TIAM1: variants seen among roughly 807,000 people sequenced by gnomAD.
The protein encoded by TIAM1 is rho guanine nucleotide exchange factor TIAM1.
Under a neutral mutation model 163.5 loss-of-function variants are expected in TIAM1, and 65 were observed. The observed-to-expected ratio is 0.40, with a 90% CI of 0.33 to 0.49. TIAM1 has a LOEUF of 0.49. Ranked by LOEUF, TIAM1 falls within the 20% of genes least tolerant of loss-of-function variation. The probability of loss-of-function intolerance (pLI) is 0.77; values close to 1 mark genes in which losing one functional copy is unlikely to be tolerated. For missense variants in TIAM1, 1,789 were observed against 2,044.7 expected, an observed-to-expected ratio of 0.87 and a Z score of 2.41; for synonymous variants, 833 against 810.1, an observed-to-expected ratio of 1.03 and a Z score of -0.48.
rs369467662 is a variant in TIAM1, at chr21:31,152,630, A to G, written c.3366+6T>C. The G allele has an allele frequency of 2.5e-6, 4 of 1,613,966 alleles. No individual in the cohort carries two copies. In the African/African-American group the frequency reaches 5.3e-5, roughly 22 times the overall value. On this transcript the variant is annotated splice_donor_region_variant and intron_variant, in intron 19 of 27. Transcript: ENST00000541036. ...CTGACGCTGGAGGCAGCTTTGCACT[A>G]TTTACCTTAAATTGATCAACCTTCT... is the stretch of plus-strand genomic sequence containing the variant.
intron 23 of TIAM1, among the ~76,000 whole-genome samples, chr21:31,135,276 C>T (rs916087469): frequency 2.0e-5 from 3 of 152,110 alleles, no homozygotes; most frequent in Non-Finnish European, 2.9e-5. Context: ...CATGTTTTTT[C>T]TCTCTCTCAA....
At position 31,120,498 on chromosome 21, in the gene TIAM1, C is replaced by A; in HGVS notation, c.4646G>T (p.Arg1549Leu). The A allele has an allele frequency of 6.2e-7, 1 of 1,614,208 alleles. No homozygotes were observed. Among genetic ancestry groups the A allele is most frequent in the Non-Finnish European group, 8.5e-7 (1 of 1,180,046 alleles). ...GRKTLDSHAS[R>L]MAQLKKQAAL... ...AGCTTGCTTCTTGAGCTGTGCCATG[C>A]GGGACGCGTGACTATCCAGGGTTTT... is the stretch of plus-strand genomic sequence containing the variant. The change falls in exon 28 of 28, where the codon CGC becomes CTC. Residue 1549 changes from arginine (R) to leucine (L), a missense_variant. By Grantham distance (102) the Arg-to-Leu change is moderately radical (BLOSUM62 -2). This residue lies in a region of TIAM1 where 415 missense variants were observed against 439.2 expected (regional missense o/e 0.94). Transcript: ENST00000541036. The surrounding 1 kb of genome is among the most constrained non-coding windows in gnomAD (Gnocchi z 4.2).
intron 2 of TIAM1, among the ~76,000 whole-genome samples, chr21:31,451,732 T>C (rs1307404987): frequency 1.3e-4 from 10 of 77,034 alleles, no homozygotes; most frequent in Admixed American, 4.9e-4. Context: ...TGTGTGTGTG[T>C]GTGTGTGTGT....
intron 13 of TIAM1, 64 bp downstream of exon 13, chr21:31,195,160 A>C: frequency 1.5e-6 from 2 of 1,359,038 alleles, no homozygotes; most frequent in South Asian, 2.4e-5. Context: ...TGAACTGTAA[A>C]TAAATGCATG....
intron 4 of TIAM1, among the ~76,000 whole-genome samples, chr21:31,263,048 G>A (rs568878161): frequency 3.9e-5 from 6 of 152,294 alleles, no homozygotes; most frequent in East Asian, 1.9e-4. Context: ...AAGAAATAGC[G>A]TTGGATGAAC....
chr21:31,493,418 T>C (rs1197042568), intron 1 of TIAM1, among the ~76,000 whole-genome samples: 1 of 152,136 alleles, frequency 6.6e-6, no homozygotes, highest in Non-Finnish European at 1.5e-5. Flanking sequence ...AAAGGTGTCA[T>C]GAGAGAGGTG....
Position 31,446,610 on chromosome 21 carries a change from A to T in TIAM1, c.-369+17373T>A, listed in dbSNP as rs370053822. Among the ~76,000 whole-genome samples the T allele has an allele frequency of 3.9e-5, 6 of 152,300 alleles. No individual in the cohort carries two copies. The South Asian group carries it at 1.2e-3, about 32-fold the overall frequency. On this transcript the variant is annotated intron_variant, in intron 2 of 28. Coordinates refer to the TIAM1 transcript ENST00000286827. ...TATGAAAGATGCAGAGAAGGCAAAG[A>T]AAACAGAAAAGAAACACAAAGCTTA...
chr21:31,252,051 T>C lies in TIAM1; in HGVS notation c.1102A>G (p.Ser368Gly). Residue 368 changes from serine to glycine, a missense_variant, in exon 5 of 28, where the codon AGC (serine) becomes GGC (glycine). Physicochemically the swap from Ser to Gly is moderately conservative, Grantham distance 56. Transcript: ENST00000541036. ...SPTTGRAFVGSDSGSSSTGDA... is the reference protein window; with the variant it reads ...SPTTGRAFVGGDSGSSSTGDA... ...CCGGTGGAGCTGCTGCCGCTGTCGC[T>C]GCCCACAAAGGCCCGGCCTGTGGTG... 1 of 1,614,062 alleles carries C rather than the reference T, an allele frequency of 6.2e-7. No individual in the cohort carries two copies. The highest frequency in any genetic ancestry group is 1.3e-5 in the African/African-American group (1 of 75,044).
At chr21:31,219,579 C>T (rs1372475366) in intron 8 of TIAM1, among the ~76,000 whole-genome samples, 3 of 152,188 alleles carry the variant, frequency 2.0e-5, no homozygotes, top group South Asian at 2.1e-4. Context: ...AGAAGCCCCA[C>T]GGGTGGCAGG....
intron 2 of TIAM1, among the ~76,000 whole-genome samples, chr21:31,352,537 T>C (rs1036141071): frequency 1.4e-5 from 2 of 140,742 alleles, no homozygotes; most frequent in African/African-American, 5.3e-5. Flanking sequence ...CTCACATATA[T>C]GTAGCTTTAA....
rs373619112 is a variant in TIAM1 at position 31,165,060 on chromosome 21, T to A, written c.2893A>T (p.Ser965Cys). ...LAFLTSNPGH[S>C]LCSEQGSSAE... ...CTGCTGCCCTGCTCGCTGCAAAGGC[T>A]GTGCCCTGTCAGATGAAATCAGAAG... The change falls in exon 16 of 28, where the codon AGC (serine) becomes TGC (cysteine). Residue 965 changes from serine (S) to cysteine (C), a missense_variant. This residue lies in a region of TIAM1 where 303 missense variants were observed against 321.3 expected (regional missense o/e 0.94). Coordinates refer to ENST00000541036, the MANE Select transcript of TIAM1 (RefSeq NM_001353694.2). 112 of 1,613,928 alleles carry A rather than the reference T, an allele frequency of 6.9e-5. No homozygotes were observed. Among genetic ancestry groups the A allele is most frequent in the East Asian group, 6.7e-4 (30 of 44,880 alleles).
intron 1 of TIAM1, among the ~76,000 whole-genome samples, chr21:31,501,990 G>A (rs554992660): frequency 6.6e-6 from 1 of 152,238 alleles, no homozygotes; most frequent in South Asian, 2.1e-4. Context: ...CAGCCACCTG[G>A]GAATTTAATC....
intron 2 of TIAM1, among the ~76,000 whole-genome samples, chr21:31,337,850 T>A (rs1402393500): frequency 6.6e-6 from 1 of 152,042 alleles, no homozygotes; most frequent in Non-Finnish European, 1.5e-5. Context: ...TATATGATTA[T>A]TTTTACCCCT....
intron 2 of TIAM1, chr21:31,452,996 A>G (rs2044928066): frequency 4.0e-6 from 2 of 494,824 alleles, no homozygotes; most frequent in Admixed American, 4.4e-5. Flanking sequence ...AGAAAAACAG[A>G]ACGGTCAAAG....
At chr21:31,371,855 AC>A (rs1466960406) in intron 2 of TIAM1, among the ~76,000 whole-genome samples, 1 of 152,042 alleles carries the variant, frequency 6.6e-6, no homozygotes. Flanking sequence ...AGACTCATTC[AC>A]CCCTTCAGCC....
At chr21:31,142,122 G>A (rs1451767202) in intron 20 of TIAM1, among the ~76,000 whole-genome samples, 1 of 152,060 alleles carries the variant, frequency 6.6e-6, no homozygotes, top group Non-Finnish European at 1.5e-5. Context: ...TCTGCCTCCT[G>A]ACACTGCATG....
At chr21:31,278,600 A>G (rs2073407824) in intron 2 of TIAM1, among the ~76,000 whole-genome samples, 1 of 152,236 alleles carries the variant, frequency 6.6e-6, no homozygotes, top group Non-Finnish European at 1.5e-5. Flanking sequence ...GAAAGGAGCC[A>G]CATACAGGCA....
At position 31,141,578 on chromosome 21, in the gene TIAM1, CT is replaced by C; in HGVS notation, c.3476-75del. The C allele has an allele frequency of 1.9e-6, 3 of 1,549,644 alleles. No homozygotes were observed. Among genetic ancestry groups the C allele is most frequent in the Non-Finnish European group, 2.6e-6 (3 of 1,139,068 alleles). On this transcript the variant is annotated intron_variant, in intron 20 of 27. Coordinates refer to ENST00000541036, the MANE Select transcript of TIAM1 (RefSeq NM_001353694.2). The surrounding 1 kb of genome is among the most constrained non-coding windows in gnomAD (Gnocchi z 4.7). ...CCCTTCCCACAATTTCCCTCCCTTCCTCAGTGACTCCAAGGTGCCTTTTTGC... is the reference window on the plus strand; with the variant it reads ...CCCTTCCCACAATTTCCCTCCCTTCCCAGTGACTCCAAGGTGCCTTTTTGC...
intron 2 of TIAM1, among the ~76,000 whole-genome samples, chr21:31,377,740 A>G (rs2076711868): frequency 6.6e-6 from 1 of 152,014 alleles, no homozygotes; most frequent in African/African-American, 2.4e-5. Context: ...AAGATCCCGC[A>G]GGGGTCTTCT....
Sources: gnomAD v4.1 joint callset for allele counts (sites outside exome capture counted in the v4.1 genomes callset) on GRCh38, gnomAD v4.1.1 for gene constraint, gnomAD v4.1.1 regional missense constraint, Gnocchi (gnomAD v3.1) non-coding constraint, MANE v1.5 for transcripts, NCBI Gene and HGNC (gene_info 2026-07-23, HGNC 2026-07-21) for gene names.